Variants in LDB3 observed in about 807,000 individuals in gnomAD.
LDB3 encodes the protein LIM domain-binding protein 3.
A neutral mutation model predicts 69.0 loss-of-function variants in LDB3; 49 were observed. The ratio of observed to expected loss-of-function variants is 0.71; its 90% CI spans 0.56 to 0.90. LDB3 has a LOEUF of 0.90. Among genes scored for constraint, LDB3 ranks in the 40% least tolerant of loss-of-function variants. The pLI, the probability that LDB3 is intolerant of heterozygous loss-of-function variation, is 0.00. For missense variants in LDB3, 928 were observed against 974.1 expected (o/e 0.95, Z 0.63); for synonymous variants, 387 against 396.2 (o/e 0.98, Z 0.28).
At chr10:86,686,945 G>T in intron 5 of LDB3, 1 of 875,866 alleles carries the variant, frequency 1.1e-6, no homozygotes, top group East Asian at 2.4e-5. Context: ...TCAGGGCCTC[G>T]GCTCTGGGAG....
At chr10:86,696,588 C>T (rs1451793870) in intron 7 of LDB3, among the ~76,000 whole-genome samples, 1 of 152,232 alleles carries the variant, frequency 6.6e-6, no homozygotes, top group African/African-American at 2.4e-5. Context: ...GTCCCTGTCA[C>T]TAAGCACTAA....
Position 86,708,546 on chromosome 10 carries a change from C to T in LDB3, c.1086-1359C>T, listed in dbSNP as rs952694865. Among the ~76,000 whole-genome samples, 6 of 152,292 alleles carry T rather than the reference C, an allele frequency of 3.9e-5. No individual in the cohort carries two copies. The East Asian group carries it at 1.2e-3, about 29-fold the overall frequency. ...TAAGACCACTGCACCTTGGCCCGCC[C>T]CCATCACTATGGAAGCCTGGCACCC... On this transcript the variant is annotated intron_variant, in intron 8 of 13. Transcript: ENST00000361373.
rs1480923559 is a variant in LDB3, at chr10:86,681,551, T to C, written c.437T>C (p.Phe146Ser). 3.1e-6 allele frequency: 5 copies of C among 1,612,592 alleles called. No homozygotes were observed. Among genetic ancestry groups the C allele is most frequent in the Non-Finnish European group, 4.2e-6 (5 of 1,179,762 alleles). Residue 146 changes from phenylalanine to serine, a missense_variant, in exon 5 of 14, where the codon TTC (phenylalanine) becomes TCC (serine). Physicochemically the swap from Phe to Ser is radical, Grantham distance 155 (BLOSUM62 -2). Transcript: ENST00000361373. ...CTCAGGCCCACCTTTAGCCCTGCCTTCTCCCGGCCCTCCGCCTTCTCCTCA... is the reference window on the plus strand; with the variant it reads ...CTCAGGCCCACCTTTAGCCCTGCCTCCTCCCGGCCCTCCGCCTTCTCCTCA... ...PELRPTFSPA[F>S]SRPSAFSSLA...
intron 2 of LDB3, among the ~76,000 whole-genome samples, chr10:86,678,497 G>T (rs538428372): frequency 2.0e-5 from 3 of 151,478 alleles, no homozygotes; most frequent in Non-Finnish European, 4.4e-5. Flanking sequence ...CCACCACCAG[G>T]CATGGCTAAT....
intron 9 of LDB3, 74 bp downstream of exon 9, chr10:86,710,124 G>A: frequency 6.3e-7 from 1 of 1,580,998 alleles, no homozygotes; most frequent in South Asian, 1.1e-5. Flanking sequence ...GCCAAGAAGT[G>A]GCTCTGGGGG....
At chr10:86,679,346 C>A (rs1023789273) in intron 2 of LDB3, 21 bp from the exon 3 acceptor site, 11 of 1,613,980 alleles carry the variant, frequency 6.8e-6, no homozygotes, top group Non-Finnish European at 9.3e-6. Context: ...TGCTCACCCC[C>A]CACCTCCACT....
Position 86,733,145 on chromosome 10 carries a change from T to C in LDB3, c.*169T>C. ...TTTCTTCTGTACACAGATCGTGCAT[T>C]TGCATAGTTCAGACTAGGAGCCAAA... On this transcript the variant is annotated 3_prime_UTR_variant, in exon 14 of 14. Coordinates refer to ENST00000361373, the MANE Select transcript of LDB3 (RefSeq NM_007078.3). 1 of 624,428 alleles carries C rather than the reference T, an allele frequency of 1.6e-6. No homozygotes were observed. Among genetic ancestry groups the C allele is most frequent in the Non-Finnish European group, 2.9e-6 (1 of 348,632 alleles). The allele number at this position is 624,428 out of a possible 1,614,324, so 38.7% of individuals were successfully genotyped here. A position where few individuals can be genotyped will look rare whatever the true frequency, so the allele number is the denominator to read the frequency against.
In LDB3 at chr10:86,680,062, C is replaced by G; in HGVS notation, c.246-20C>G. 1 of 1,612,150 alleles carries G rather than the reference C, an allele frequency of 6.2e-7. No homozygotes were observed. The highest frequency in any genetic ancestry group is 8.5e-7 in the Non-Finnish European group (1 of 1,178,184). ...CCCAGGGGCAACTTCCTCACCTGGT[C>G]TCATTTCTGGTTTCTACAGATCAAA... is the stretch of plus-strand genomic sequence containing the variant. On this transcript the variant is annotated intron_variant, in intron 3 of 13. Coordinates refer to ENST00000361373, the MANE Select transcript of LDB3 (RefSeq NM_007078.3).
rs925031590 is a variant in LDB3, at chr10:86,725,892, C to T, written c.1979-245C>T. On this transcript the variant is annotated intron_variant, in intron 12 of 13. Transcript: ENST00000361373. ...TCCCTGCAGAAGGTTGATGACAATT[C>T]CAGAAAGTGTTTGCAAATCAAACCA... is the stretch of plus-strand genomic sequence containing the variant. Among the ~76,000 whole-genome samples the T allele has an allele frequency of 2.0e-5, 3 of 152,142 alleles. No individual in the cohort carries two copies. In the East Asian group the frequency reaches 5.8e-4, roughly 29 times the overall value.
intron 2 of LDB3, among the ~76,000 whole-genome samples, chr10:86,671,252 A>G (rs1395707108): frequency 2.0e-5 from 3 of 152,102 alleles, no homozygotes; most frequent in Non-Finnish European, 2.9e-5. Context: ...CCTAACTCCC[A>G]TGCTGGCTTG....
At chr10:86,721,860 T>A (rs1375926936) in intron 12 of LDB3, among the ~76,000 whole-genome samples, 1 of 152,176 alleles carries the variant, frequency 6.6e-6, no homozygotes, top group Non-Finnish European at 1.5e-5. Flanking sequence ...CACCTGCAAT[T>A]TGATGGACAG....
intron 2 of LDB3, among the ~76,000 whole-genome samples, chr10:86,675,529 T>G (rs975283217): frequency 6.6e-6 from 1 of 152,266 alleles, no homozygotes; most frequent in African/African-American, 2.4e-5. Context: ...GACGACCCCT[T>G]CTCTGTAGAT....
chr10:86,728,364 A>C (rs1847333371), intron 13 of LDB3, among the ~76,000 whole-genome samples: 3 of 152,216 alleles, frequency 2.0e-5, no homozygotes, highest in Admixed American at 2.0e-4. Context: ...GCTGAGTCAC[A>C]ACAGCAAAAG....
At position 86,687,059 on chromosome 10, in the gene LDB3, C is replaced by T. The variant is rs528725791; in HGVS notation, c.690-4837C>T. On this transcript the variant is annotated intron_variant, in intron 5 of 13. Coordinates refer to ENST00000361373, the MANE Select transcript of LDB3 (RefSeq NM_007078.3). ...CTCTCCCTGCCCGTACTCCCGCACCCCTCCCCCAGCGCCGACTACCAGGAA... is the reference window on the plus strand; with the variant it reads ...CTCTCCCTGCCCGTACTCCCGCACCTCTCCCCCAGCGCCGACTACCAGGAA... 9.9e-5 allele frequency: 159 copies of T among 1,613,714 alleles called. 1 individual carries two copies. The South Asian group carries it at 1.6e-3, about 17-fold the overall frequency.
At chr10:86,696,355 C>T (rs957850887) in intron 7 of LDB3, among the ~76,000 whole-genome samples, 3 of 152,216 alleles carry the variant, frequency 2.0e-5, no homozygotes, top group Non-Finnish European at 4.4e-5. Context: ...TGTTCTGCCA[C>T]CCTAGCGAGT....
intron 10 of LDB3, 105 bp downstream of exon 10, chr10:86,716,876 G>A (rs1846899034): frequency 1.6e-6 from 2 of 1,258,968 alleles, no homozygotes; most frequent in Non-Finnish European, 2.3e-6. Context: ...GTAGGAGGCA[G>A]GTGTAGGGAG....
chr10:86,732,999 A>G lies in LDB3; in HGVS notation c.*23A>G. 6.4e-7 allele frequency: 1 copy of G among 1,571,912 alleles called. No homozygotes were observed. The highest frequency in any genetic ancestry group is 8.7e-7 in the Non-Finnish European group (1 of 1,144,868). On this transcript the variant is annotated 3_prime_UTR_variant, in exon 14 of 14. Coordinates refer to ENST00000361373, the MANE Select transcript of LDB3 (RefSeq NM_007078.3). ...TAGGCGGCCAAGGCCGCCTGTGCTGACGAGGCCCGGAGCTGCTCCTGCTGC... is the reference window on the plus strand; with the variant it reads ...TAGGCGGCCAAGGCCGCCTGTGCTGGCGAGGCCCGGAGCTGCTCCTGCTGC...
chr10:86,693,084 G>GAA (rs11422538), intron 7 of LDB3, among the ~76,000 whole-genome samples: 1 of 151,010 alleles, frequency 6.6e-6, no homozygotes, highest in Non-Finnish European at 1.5e-5. Context: ...AATAGTTGCT[G>GAA]AAAAAAAAAG....
chr10:86,730,675 C>A (rs949289068), intron 13 of LDB3, among the ~76,000 whole-genome samples: 1 of 152,210 alleles, frequency 6.6e-6, no homozygotes, highest in Non-Finnish European at 1.5e-5. Context: ...GTTTTTTCAG[C>A]TGTGAAGTGG....
Sources: gnomAD v4.1 joint callset for allele counts (sites outside exome capture counted in the v4.1 genomes callset) on GRCh38, gnomAD v4.1.1 for gene constraint, MANE v1.5 for transcripts, NCBI Gene and HGNC (gene_info 2026-07-23, HGNC 2026-07-21) for gene names.